NCAM2: variants seen among roughly 807,000 people sequenced by gnomAD.
NCAM2 encodes the protein neural cell adhesion molecule 2.
NCAM2 carries 30 observed loss-of-function variants against 98.1 expected under a neutral mutation model. That is an observed-to-expected ratio of 0.31 (90% CI 0.23 to 0.41). The LOEUF is 0.41. NCAM2 is among the 10% of genes least tolerant of loss of function. The probability of loss-of-function intolerance (pLI) is 1.00; values close to 1 mark genes in which losing one functional copy is unlikely to be tolerated. For missense variants in NCAM2, 867 were observed against 1,005.8 expected, an observed-to-expected ratio of 0.86 and a Z score of 1.87; for synonymous variants, 368 against 342.4, an observed-to-expected ratio of 1.07 and a Z score of -0.83.
chr21:21,291,597 T>C (rs150429800), intron 4 of NCAM2, among the ~76,000 whole-genome samples: 80 of 152,072 alleles, frequency 5.3e-4, no homozygotes, highest in African/African-American at 1.8e-3. Context: ...ATTTGAGATA[T>C]AATCTTTTTT....
chr21:21,386,575 C>G (rs547065179), intron 9 of NCAM2, among the ~76,000 whole-genome samples: 1 of 152,100 alleles, frequency 6.6e-6, no homozygotes, highest in African/African-American at 2.4e-5. Context: ...GGTGAAGAGT[C>G]TTTTATTGTT....
chr21:21,199,438 A>T (rs1236055301), intron 1 of NCAM2, among the ~76,000 whole-genome samples: 2 of 152,110 alleles, frequency 1.3e-5, no homozygotes, highest in Non-Finnish European at 2.9e-5. Context: ...AAACCTCATG[A>T]CTGAGCTTGG....
intron 9 of NCAM2, among the ~76,000 whole-genome samples, chr21:21,376,572 A>G (rs1372155500): frequency 6.6e-6 from 1 of 151,834 alleles, no homozygotes; most frequent in African/African-American, 2.4e-5. Context: ...TGGGTAGAAA[A>G]TAATGGGATA....
At chr21:21,070,936 G>T (rs2065549248) in intron 1 of NCAM2, among the ~76,000 whole-genome samples, 1 of 152,148 alleles carries the variant, frequency 6.6e-6, no homozygotes, top group Non-Finnish European at 1.5e-5. Flanking sequence ...TAGGGAGCTT[G>T]TAAAATTGGT....
At chr21:20,998,770 G>C in intron 1 of NCAM2, 152 bp downstream of exon 1, 1 of 788,098 alleles carries the variant, frequency 1.3e-6, no homozygotes, top group Non-Finnish European at 2.1e-6. Flanking sequence ...CTTTCTCCTA[G>C]CTGTCCCTAA....
At chr21:21,202,183 T>A (rs1422974646) in intron 1 of NCAM2, among the ~76,000 whole-genome samples, 2 of 152,242 alleles carry the variant, frequency 1.3e-5, no homozygotes, top group East Asian at 3.9e-4. Flanking sequence ...CACTTCCCAG[T>A]TTTGTGACTT....
intron 1 of NCAM2, among the ~76,000 whole-genome samples, chr21:21,080,277 G>A (rs1332315105): frequency 6.6e-6 from 1 of 152,118 alleles, no homozygotes; most frequent in East Asian, 1.9e-4. Context: ...CAGATAAAAT[G>A]TCCAAAAAAC....
chr21:21,264,868 G>A (rs1290710649), intron 1 of NCAM2, among the ~76,000 whole-genome samples: 2 of 136,046 alleles, frequency 1.5e-5, no homozygotes, highest in Non-Finnish European at 3.2e-5. Flanking sequence ...ACGTGTGTGT[G>A]TGTTCATAGT....
At chr21:21,053,329 C>A (rs543425694) in intron 1 of NCAM2, among the ~76,000 whole-genome samples, 11 of 152,038 alleles carry the variant, frequency 7.2e-5, no homozygotes, top group African/African-American at 2.6e-4. Flanking sequence ...TTCATTGCAT[C>A]CATCTTCTTA....
At chr21:21,292,059 C>T in intron 4 of NCAM2, 45 bp from the exon 5 acceptor site, 3 of 1,582,522 alleles carry the variant, frequency 1.9e-6, no homozygotes, top group African/African-American at 1.4e-5. Flanking sequence ...CTGGACTTAG[C>T]CTTCAATTAC....
At chr21:21,230,346 G>T (rs1034502336) in intron 1 of NCAM2, among the ~76,000 whole-genome samples, 1 of 150,662 alleles carries the variant, frequency 6.6e-6, no homozygotes, top group African/African-American at 2.4e-5. Flanking sequence ...AGGTGATTTC[G>T]GATTTGTTTG....
At chr21:21,162,223 A>G (rs1203283000) in intron 1 of NCAM2, among the ~76,000 whole-genome samples, 2 of 152,162 alleles carry the variant, frequency 1.3e-5, no homozygotes, top group Non-Finnish European at 2.9e-5. Flanking sequence ...ACAGATATTT[A>G]TCTGTAACAC....
chr21:21,452,958 T>C (rs1264939677), intron 12 of NCAM2, among the ~76,000 whole-genome samples: 2 of 34,088 alleles, frequency 5.9e-5, no homozygotes, highest in Non-Finnish European at 1.2e-4. Context: ...TACTATATAT[T>C]ATATATTATA....
chr21:21,112,435 T>G (rs1260244347), intron 1 of NCAM2, among the ~76,000 whole-genome samples: 1 of 152,262 alleles, frequency 6.6e-6, no homozygotes, highest in Non-Finnish European at 1.5e-5. Context: ...CTTGCCTGTT[T>G]CTATTACAAC....
intron 8 of NCAM2, among the ~76,000 whole-genome samples, chr21:21,354,430 C>G (rs1389251861): frequency 6.6e-6 from 1 of 152,140 alleles, no homozygotes; most frequent in East Asian, 1.9e-4. Context: ...TTATTCTTAT[C>G]TGTACCCAAA....
chr21:21,055,520 G>C (rs2065192724), intron 1 of NCAM2, among the ~76,000 whole-genome samples: 2 of 152,044 alleles, frequency 1.3e-5, no homozygotes, highest in African/African-American at 4.8e-5. Context: ...ACAGCTCTGA[G>C]AGCAGACCTG....
intron 1 of NCAM2, among the ~76,000 whole-genome samples, chr21:21,191,753 A>G (rs1210732366): frequency 6.6e-6 from 1 of 152,200 alleles, no homozygotes; most frequent in African/African-American, 2.4e-5. Context: ...TCTTCTGTGC[A>G]GCAGGAAATA....
At chr21:21,468,460 A>G (rs1984006355) in intron 13 of NCAM2, among the ~76,000 whole-genome samples, 1 of 152,018 alleles carries the variant, frequency 6.6e-6, no homozygotes, top group Non-Finnish European at 1.5e-5. Flanking sequence ...CAGTTTTGGC[A>G]TGACACTTCT....
At chr21:21,223,076 C>A (rs1455676916) in intron 1 of NCAM2, among the ~76,000 whole-genome samples, 1 of 152,134 alleles carries the variant, frequency 6.6e-6, no homozygotes, top group Non-Finnish European at 1.5e-5. Context: ...TTATTATTCT[C>A]ATTTTCCTTT....
Sources: allele counts gnomAD v4.1 joint callset (sites outside exome capture counted in the v4.1 genomes callset), GRCh38; gene constraint gnomAD v4.1.1; transcripts MANE v1.5; gene names NCBI Gene and HGNC (gene_info 2026-07-23, HGNC 2026-07-21).